Variants in MET observed in about 807,000 individuals in gnomAD.
The protein encoded by MET is hepatocyte growth factor receptor.
Under a neutral mutation model 133.1 loss-of-function variants are expected in MET, and 48 were observed. That is an observed-to-expected ratio of 0.36 (90% CI 0.29 to 0.46). The LOEUF (loss-of-function observed/expected upper bound fraction) is 0.46, where lower values mean the gene tolerates loss of function less well. MET is among the 20% of genes least tolerant of loss of function. The pLI is 1.00. For synonymous variants in MET, 628 were observed against 616.5 expected, an observed-to-expected ratio of 1.02 and a Z score of -0.28; for missense variants, 1,442 against 1,695.9, an observed-to-expected ratio of 0.85 and a Z score of 2.63.
At chr7:116,715,381 T>G (rs1792151390) in intron 2 of MET, among the ~76,000 whole-genome samples, 1 of 152,158 alleles carries the variant, frequency 6.6e-6, no homozygotes, top group Admixed American at 6.5e-5. Context: ...GCAGCTTTAC[T>G]CCCCTCTCTG....
chr7:116,785,114 G>A (rs147811552), intron 19 of MET, among the ~76,000 whole-genome samples: 321 of 152,342 alleles, frequency 2.1e-3, no homozygotes, highest in African/African-American at 7.1e-3. Context: ...TCCAGGGCAC[G>A]CTGATGCAAG....
chr7:116,751,439 G>T (rs1356807231), intron 5 of MET, among the ~76,000 whole-genome samples: 1 of 152,094 alleles, frequency 6.6e-6, no homozygotes, highest in African/African-American at 2.4e-5. Context: ...GGGGTCTAGG[G>T]GAGGGATAGC....
chr7:116,796,074 G>A lies in MET; in HGVS notation c.4123G>A (p.Ala1375Thr), dbSNP rs373517956. 1.9e-6 allele frequency: 3 copies of A among 1,613,932 alleles called. No individual in the cohort carries two copies. The highest frequency in any genetic ancestry group is 2.5e-6 in the Non-Finnish European group (3 of 1,179,908). Residue 1375 changes from alanine (A) to threonine (T), a missense_variant, in exon 21 of 21, where the codon GCT (alanine) becomes ACT (threonine). Physicochemically the swap from Ala to Thr is moderately conservative, Grantham distance 58. Transcript: ENST00000397752. ...YPSLLSSEDN[A>T]DDEVDTRPAS... ...TTCTCTGTTGTCATCAGAAGATAAC[G>A]CTGATGATGAGGTGGACACACGACC...
intron 2 of MET, among the ~76,000 whole-genome samples, chr7:116,701,341 A>C (rs1791571974): frequency 6.6e-6 from 1 of 152,158 alleles, no homozygotes; most frequent in Admixed American, 6.6e-5. Flanking sequence ...CTAAGATATA[A>C]AGGTTATAAT....
intron 5 of MET, among the ~76,000 whole-genome samples, chr7:116,755,014 A>AAGAAAGAAAGAAAGAAAGAAAGAAAG: frequency 6.6e-6 from 1 of 151,042 alleles, no homozygotes; most frequent in South Asian, 2.1e-4. Flanking sequence ...GAAAGAAAGA[A>AAGAAAGAAAGAAAGAAAGAAAGAAAG]AGAAAGAAAG....
Position 116,755,522 on chromosome 7 carries a change from A to G in MET, c.1862+7A>G, listed in dbSNP as rs1305399003. 5 of 1,613,982 alleles carry G rather than the reference A, an allele frequency of 3.1e-6. No homozygotes were observed. The highest frequency in any genetic ancestry group is 4.2e-6 in the Non-Finnish European group (5 of 1,179,974). ...GTGAGAGCACGATGAATACGTAAGGATCTTAAAATGCTTTGCTGGGGTGTG... is the reference window on the plus strand; with the variant it reads ...GTGAGAGCACGATGAATACGTAAGGGTCTTAAAATGCTTTGCTGGGGTGTG... On this transcript the variant is annotated splice_region_variant and intron_variant, in intron 6 of 20. Coordinates refer to ENST00000397752, the MANE Select transcript of MET (RefSeq NM_000245.4).
At chr7:116,688,717 C>G (rs1796664814) in intron 1 of MET, among the ~76,000 whole-genome samples, 1 of 152,160 alleles carries the variant, frequency 6.6e-6, no homozygotes, top group South Asian at 2.1e-4. Flanking sequence ...TAATGGCATT[C>G]TATTCTTTTT....
At chr7:116,708,101 A>G (rs953539461) in intron 2 of MET, among the ~76,000 whole-genome samples, 2 of 152,172 alleles carry the variant, frequency 1.3e-5, no homozygotes, top group Non-Finnish European at 2.9e-5. Context: ...TTCAACAAGC[A>G]GATAGACTAG....
chr7:116,751,170 C>T (rs10279782), intron 5 of MET, among the ~76,000 whole-genome samples: 4,679 of 152,216 alleles, frequency 0.031, 234 homozygotes, highest in African/African-American at 0.11. Context: ...TTGGAACCAA[C>T]CCAAATGCCC....
intron 19 of MET, among the ~76,000 whole-genome samples, chr7:116,790,508 T>C (rs1795452739): frequency 6.6e-6 from 1 of 152,242 alleles, no homozygotes; most frequent in Non-Finnish European, 1.5e-5. Context: ...TATCCATTCA[T>C]CTGTCAATGG....
At chr7:116,688,171 A>G (rs1796626990) in intron 1 of MET, among the ~76,000 whole-genome samples, 1 of 151,980 alleles carries the variant, frequency 6.6e-6, no homozygotes, top group Admixed American at 6.6e-5. Flanking sequence ...CTGACTATTC[A>G]GTCGGTTTAT....
At chr7:116,730,883 CTTTG>C (rs1366772847) in intron 2 of MET, among the ~76,000 whole-genome samples, 4 of 152,016 alleles carry the variant, frequency 2.6e-5, no homozygotes, top group East Asian at 3.8e-4. Flanking sequence ...GTGCTGGGCT[CTTTG>C]TTTGTTTGTT....
chr7:116,730,382 G>C (rs904896510), intron 2 of MET, among the ~76,000 whole-genome samples: 1 of 152,174 alleles, frequency 6.6e-6, no homozygotes, highest in Admixed American at 6.5e-5. Context: ...AAAAAATGTT[G>C]TTCTTTATCC....
rs1367445940 is a variant in MET at position 116,782,019 on chromosome 7, G to A, written c.3554G>A (p.Gly1185Asp). The A allele has an allele frequency of 1.2e-6, 2 of 1,613,660 alleles. No homozygotes were observed. Among genetic ancestry groups the A allele is most frequent in the Non-Finnish European group, 1.7e-6 (2 of 1,179,830 alleles). The change falls in exon 18 of 21, where the codon GGT becomes GAT. Residue 1185 changes from glycine to aspartate, a missense_variant. Coordinates refer to ENST00000397752, the MANE Select transcript of MET (RefSeq NM_000245.4). ...NPTVKDLIGF[G>D]LQVAKGMKYL... ...ACTGTAAAAGATCTTATTGGCTTTG[G>A]TCTTCAAGTAGCCAAAGGCATGAAA...
At chr7:116,674,921 A>G (rs1796101846) in intron 1 of MET, among the ~76,000 whole-genome samples, 2 of 152,212 alleles carry the variant, frequency 1.3e-5, no homozygotes, top group Non-Finnish European at 1.5e-5. Flanking sequence ...GTTTATTCAT[A>G]GGATACTCAA....
chr7:116,730,591 G>C (rs919303283), intron 2 of MET, among the ~76,000 whole-genome samples: 4 of 152,076 alleles, frequency 2.6e-5, no homozygotes, highest in Admixed American at 6.6e-5. Context: ...TGGGAGGAAG[G>C]GCATGAAGGA....
intron 11 of MET, among the ~76,000 whole-genome samples, chr7:116,764,216 C>A (rs567846166): frequency 6.6e-6 from 1 of 152,122 alleles, no homozygotes; most frequent in Non-Finnish European, 1.5e-5. Context: ...CATATGTTCA[C>A]GTTCATACAA....
chr7:116,720,031 T>G (rs1262725876), intron 2 of MET, among the ~76,000 whole-genome samples: 1 of 152,090 alleles, frequency 6.6e-6, no homozygotes, highest in Non-Finnish European at 1.5e-5. Context: ...GTGAAGAAAG[T>G]CATTGGTAGC....
rs941260929 is a variant in MET, at chr7:116,672,426, C to T, written c.-166C>T. On this transcript the variant is annotated 5_prime_UTR_variant, in exon 1 of 21. Transcript: ENST00000397752. ...GGAGGCCCTCGCCGCCCGCGGCGCC[C>T]CGAGCGCTTTGTGAGCAGATGCGGA... The T allele has an allele frequency of 5.1e-6, 2 of 394,978 alleles. No homozygotes were observed. The highest frequency in any genetic ancestry group is 2.1e-5 in the African/African-American group (1 of 48,396). The allele number at this position is 394,978 out of a possible 1,614,324, so 24.5% of individuals were successfully genotyped here.
Sources: gnomAD v4.1 joint callset for allele counts (sites outside exome capture counted in the v4.1 genomes callset) on GRCh38, gnomAD v4.1.1 for gene constraint, MANE v1.5 for transcripts, NCBI Gene and HGNC (gene_info 2026-07-23, HGNC 2026-07-21) for gene names.